The following ELF1 variants were observed in gnomAD, a reference collection of about 807,000 sequenced individuals.
The protein encoded by ELF1 is E74 like ETS transcription factor 1.
In ELF1, 24 loss-of-function variants were observed where a neutral mutation model predicts 59.9. The ratio of observed to expected loss-of-function variants is 0.40; its 90% CI spans 0.29 to 0.56. The LOEUF is 0.56. Ranked by LOEUF, ELF1 falls within the 20% of genes least tolerant of loss-of-function variation. The pLI, the probability that ELF1 is intolerant of heterozygous loss-of-function variation, is 0.44. For synonymous variants in ELF1, 248 were observed against 266.2 expected (o/e 0.93, Z 0.67); for missense variants, 627 against 742.2 (o/e 0.84, Z 1.80).
chr13:41,044,386 G>A (rs1876752658), intron 1 of ELF1, among the ~76,000 whole-genome samples: 1 of 152,160 alleles, frequency 6.6e-6, no homozygotes, highest in African/African-American at 2.4e-5. Flanking sequence ...GTTTTCAAAG[G>A]GAATGCTTCC....
upstream of ELF1, among the ~76,000 whole-genome samples, chr13:41,020,598 C>T (rs930592473): frequency 6.6e-6 from 1 of 152,110 alleles, no homozygotes; most frequent in Non-Finnish European, 1.5e-5. Context: ...TATCCTTTTA[C>T]TGAAAAATAA....
chr13:40,946,588 C>A (rs1261134327), intron 5 of ELF1, among the ~76,000 whole-genome samples: 1 of 152,186 alleles, frequency 6.6e-6, no homozygotes, highest in Non-Finnish European at 1.5e-5. Flanking sequence ...GTGCCTGTGT[C>A]TCCTGCCTCC....
chr13:40,933,437 G>A lies in ELF1; in HGVS notation c.1848C>T (p.Pro616=). 6.2e-7 allele frequency: 1 copy of A among 1,610,818 alleles called. No individual in the cohort carries two copies. The highest frequency in any genetic ancestry group is 1.1e-5 in the South Asian group (1 of 90,512). ...TTTGGTATATTAACTAAAAAGAGTT[G>A]GGTTCCAGCAGTTCGTTTTGTTTCA... ...VAMKQNELLE[P]NSF The change falls in exon 9 of 9, where the codon CCC becomes CCT. Residue 616 remains proline, a synonymous_variant. Coordinates refer to ENST00000239882, the MANE Select transcript of ELF1 (RefSeq NM_172373.4).
Position 40,940,931 on chromosome 13 carries a change from G to T in ELF1, c.1246C>A (p.Gln416Lys), listed in dbSNP as rs141136513. 1.1e-5 allele frequency: 18 copies of T among 1,612,236 alleles called. No individual in the cohort carries two copies. In the African/African-American group the frequency reaches 2.1e-4, roughly 19 times the overall value. Residue 416 changes from glutamine to lysine, a missense_variant, in exon 8 of 9, where the codon CAG becomes AAG. Around this residue, in one of 3 missense-constraint regions of ELF1, gnomAD observed 361 missense variants for 396.1 expected, o/e 0.91. Transcript: ENST00000239882. ...MQDETLNSSV[Q>K]SIRTIQAPTQ... is the part of the protein sequence containing the mutation. ...GTTTGGTTTTCTCACCTAATACTCT[G>T]AACGGAAGAATTTAATGTTTCATCC...
At chr13:40,974,305 A>C (rs562133538) in intron 2 of ELF1, among the ~76,000 whole-genome samples, 1 of 152,320 alleles carries the variant, frequency 6.6e-6, no homozygotes, top group South Asian at 2.1e-4. Context: ...TCATAAATGC[A>C]GGATATAATA....
chr13:40,987,081 G>A (rs188783686), intron 1 of ELF1, among the ~76,000 whole-genome samples: 12 of 150,040 alleles, frequency 8.0e-5, no homozygotes, highest in Admixed American at 7.9e-4. Context: ...GACTACAGGC[G>A]CCCGCCACCA....
intron 2 of ELF1, among the ~76,000 whole-genome samples, chr13:40,963,673 C>A (rs1206573685): frequency 6.6e-6 from 1 of 152,150 alleles, no homozygotes; most frequent in Non-Finnish European, 1.5e-5. Flanking sequence ...CTTTGGGAGG[C>A]CGAGGCGGGC....
intron 1 of ELF1, among the ~76,000 whole-genome samples, chr13:41,048,034 T>C (rs1456084144): frequency 1.3e-5 from 2 of 152,224 alleles, no homozygotes; most frequent in Non-Finnish European, 2.9e-5. Flanking sequence ...GACTGCTGTG[T>C]TAGCAATGAG....
chr13:41,053,902 C>T (rs764411694), intron 1 of ELF1, among the ~76,000 whole-genome samples: 1 of 152,042 alleles, frequency 6.6e-6, no homozygotes, highest in East Asian at 1.9e-4. Context: ...CCATCCAAAA[C>T]GTAGAGAACT....
chr13:40,968,705 A>AAACACTT (rs1267017445), intron 2 of ELF1, among the ~76,000 whole-genome samples: 2 of 151,670 alleles, frequency 1.3e-5, no homozygotes, highest in Non-Finnish European at 2.9e-5. Flanking sequence ...AGCTCCCTGT[A>AAACACTT]AACACTTTCT....
chr13:40,999,710 G>A lies in ELF1; in HGVS notation c.-228-17428C>T, dbSNP rs565968811. Reference sequence around the variant, plus strand: ...GCTTGACTGCTACATTGAAAACTTCGCATCACCAATGTGTATACTGCCCTC... The same window carrying A: ...GCTTGACTGCTACATTGAAAACTTCACATCACCAATGTGTATACTGCCCTC... On this transcript the variant is annotated intron_variant, in intron 1 of 8. Coordinates refer to ENST00000239882, the MANE Select transcript of ELF1 (RefSeq NM_172373.4). Among the ~76,000 whole-genome samples, 8 of 152,238 alleles carry A rather than the reference G, an allele frequency of 5.3e-5. No homozygotes were observed. The South Asian group carries it at 1.0e-3, about 20-fold the overall frequency.
chr13:41,058,257 TC>T (rs1369174944), intron 1 of ELF1, among the ~76,000 whole-genome samples: 1 of 152,174 alleles, frequency 6.6e-6, no homozygotes, highest in African/African-American at 2.4e-5. Flanking sequence ...CAGCTTGATC[TC>T]CCATGGCCCT....
At chr13:41,005,361 C>G (rs1016282080) in intron 1 of ELF1, among the ~76,000 whole-genome samples, 7 of 150,972 alleles carry the variant, frequency 4.6e-5, no homozygotes, top group Non-Finnish European at 8.9e-5. Flanking sequence ...ACAGAACAGG[C>G]CCTCAAACTA....
chr13:41,024,788 CAG>C (rs1399081664), intron 1 of ELF1, among the ~76,000 whole-genome samples: 1 of 152,134 alleles, frequency 6.6e-6, no homozygotes, highest in Non-Finnish European at 1.5e-5. Context: ...CTAAATGTTG[CAG>C]AGAGGAAATC....
chr13:40,981,951 C>A, intron 2 of ELF1, 32 bp downstream of exon 2: 1 of 1,591,842 alleles, frequency 6.3e-7, no homozygotes, highest in South Asian at 1.2e-5. Context: ...ATAATAAAGT[C>A]ATTAAAATGA....
In ELF1 at chr13:40,949,846, T is replaced by C. The variant is rs902480519; in HGVS notation, c.489A>G (p.Ser163=). The C allele has an allele frequency of 1.2e-6, 2 of 1,614,046 alleles. No individual in the cohort carries two copies. The highest frequency in any genetic ancestry group is 1.7e-5 in the Admixed American group (1 of 59,996). ...TQQVQEKYAD[S]PGASSPEQPK... ...GCTGTTCTGGTGATGAGGCTCCCGG[T>C]GAGTCTGCATATTTTTCTTGCACCT... Residue 163 remains serine, a synonymous_variant, in exon 5 of 9, where the codon TCA becomes TCG. Coordinates refer to ENST00000239882, the MANE Select transcript of ELF1 (RefSeq NM_172373.4).
At chr13:40,998,602 T>C (rs1335861417) in intron 1 of ELF1, among the ~76,000 whole-genome samples, 4 of 152,242 alleles carry the variant, frequency 2.6e-5, no homozygotes, top group South Asian at 2.1e-4. Flanking sequence ...TATTTTACTA[T>C]TGTACAAATC....
At position 40,932,928 on chromosome 13, in the gene ELF1, C is replaced by T. The variant is rs992579655; in HGVS notation, c.*497G>A. 1 of 154,696 alleles carries T rather than the reference C, an allele frequency of 6.5e-6. No individual in the cohort carries two copies. The highest frequency in any genetic ancestry group is 1.9e-4 in the East Asian group (1 of 5,230). The allele number at this position is 154,696 out of a possible 1,614,324, so 9.6% of individuals were successfully genotyped here. A position where few individuals can be genotyped will look rare whatever the true frequency, so the allele number is the denominator to read the frequency against. On this transcript the variant is annotated 3_prime_UTR_variant, in exon 9 of 9. Coordinates refer to ENST00000239882, the MANE Select transcript of ELF1 (RefSeq NM_172373.4). ...CATGTTATTCTACATATTCATAGTT[C>T]TATATTATATAGTGCAGTCAACTAA...
chr13:40,934,276 C>G (rs949608446), intron 8 of ELF1, among the ~76,000 whole-genome samples: 2 of 152,092 alleles, frequency 1.3e-5, no homozygotes, highest in African/African-American at 4.8e-5. Flanking sequence ...GAAGAAAGGT[C>G]TGTACATAGG....
Sources: allele counts gnomAD v4.1 joint callset (sites outside exome capture counted in the v4.1 genomes callset), GRCh38; gene constraint gnomAD v4.1.1; regional missense constraint gnomAD v4.1.1; transcripts MANE v1.5; gene names NCBI Gene and HGNC (gene_info 2026-07-23, HGNC 2026-07-21).